NR3C2: variants seen among roughly 807,000 people sequenced by gnomAD.
NR3C2 encodes nuclear receptor subfamily 3 group C member 2.
NR3C2 carries 15 observed loss-of-function variants against 86.4 expected under a neutral mutation model. The ratio of observed to expected loss-of-function variants is 0.17; its 90% CI spans 0.12 to 0.27. The LOEUF is 0.27. Among genes scored for constraint, NR3C2 ranks in the 10% least tolerant of loss-of-function variants. The pLI is 1.00. For missense variants in NR3C2, 960 were observed against 1,195.6 expected, an observed-to-expected ratio of 0.80 and a Z score of 2.91; for synonymous variants, 458 against 450.5, an observed-to-expected ratio of 1.02 and a Z score of -0.21.
At chr4:148,237,668 T>G (rs1356650291) in intron 3 of NR3C2, among the ~76,000 whole-genome samples, 2 of 95,924 alleles carry the variant, frequency 2.1e-5, no homozygotes, top group East Asian at 8.4e-4. Context: ...AAAAACAAAA[T>G]GGGTTTTTTT....
At chr4:148,165,672 AC>A (rs1320476502) in intron 4 of NR3C2, among the ~76,000 whole-genome samples, 1 of 152,176 alleles carries the variant, frequency 6.6e-6, no homozygotes, top group East Asian at 1.9e-4. Context: ...TTATAACTGA[AC>A]CATTAAAAAC....
At chr4:148,323,517 T>C (rs940785316) in intron 2 of NR3C2, among the ~76,000 whole-genome samples, 1 of 148,632 alleles carries the variant, frequency 6.7e-6, no homozygotes, top group African/African-American at 2.5e-5. Flanking sequence ...ACTGCTGTGC[T>C]AGCAATCAGC....
intron 6 of NR3C2, among the ~76,000 whole-genome samples, chr4:148,132,412 A>C (rs961914754): frequency 6.6e-6 from 1 of 152,216 alleles, no homozygotes; most frequent in Non-Finnish European, 1.5e-5. Context: ...GACAAAGAGC[A>C]AACTATAGGA....
chr4:148,346,423 G>A (rs890927848), intron 2 of NR3C2, among the ~76,000 whole-genome samples: 17 of 152,028 alleles, frequency 1.1e-4, no homozygotes, highest in South Asian at 2.1e-4. Flanking sequence ...CAGGCTGGGC[G>A]AAGGAAGAGA....
At chr4:148,316,251 TATA>T (rs1743166789) in intron 2 of NR3C2, among the ~76,000 whole-genome samples, 1 of 152,182 alleles carries the variant, frequency 6.6e-6, no homozygotes, top group South Asian at 2.1e-4. Flanking sequence ...ATACATATAA[TATA>T]GTGGTCATCT....
chr4:148,131,577 A>C (rs2149743259), intron 6 of NR3C2, among the ~76,000 whole-genome samples: 1 of 152,318 alleles, frequency 6.6e-6, no homozygotes. Flanking sequence ...CCATTTTGCT[A>C]GTTGCAGTTC....
intron 4 of NR3C2, among the ~76,000 whole-genome samples, chr4:148,183,784 C>T (rs1735752997): frequency 6.6e-6 from 1 of 152,150 alleles, no homozygotes; most frequent in Admixed American, 6.5e-5. Context: ...ACTTTGTGCC[C>T]TGTACTGTTG....
intron 6 of NR3C2, among the ~76,000 whole-genome samples, chr4:148,127,163 A>G (rs1377899151): frequency 6.6e-6 from 1 of 152,194 alleles, no homozygotes; most frequent in African/African-American, 2.4e-5. Context: ...ATAGCTTGAA[A>G]TTTCAAGAAA....
At chr4:148,335,534 G>A (rs1174494103) in intron 2 of NR3C2, among the ~76,000 whole-genome samples, 1 of 152,100 alleles carries the variant, frequency 6.6e-6, no homozygotes, top group South Asian at 2.1e-4. Context: ...TCCAATGAGA[G>A]CATCATCTCA....
At chr4:148,416,597 T>C (rs977932977) in intron 2 of NR3C2, among the ~76,000 whole-genome samples, 1 of 152,218 alleles carries the variant, frequency 6.6e-6, no homozygotes, top group Admixed American at 6.5e-5. Flanking sequence ...CTTGTGTCTC[T>C]TTCTACTCTC....
chr4:148,370,218 G>A (rs1295618281), intron 2 of NR3C2, among the ~76,000 whole-genome samples: 1 of 152,152 alleles, frequency 6.6e-6, no homozygotes, highest in African/African-American at 2.4e-5. Context: ...TGGGCCCTAG[G>A]AGCCCCATTA....
At chr4:148,304,105 C>A (rs946385881) in intron 2 of NR3C2, among the ~76,000 whole-genome samples, 30 of 151,472 alleles carry the variant, frequency 2.0e-4, no homozygotes, top group African/African-American at 7.0e-4. Context: ...TCAGTCTGTA[C>A]CCCTTTCCAA....
At position 148,215,272 on chromosome 4, in the gene NR3C2, G is replaced by GA. The variant is rs549236695; in HGVS notation, c.1898-20411dup. Among the ~76,000 whole-genome samples the GA allele has an allele frequency of 2.0e-4, 30 of 152,276 alleles. No homozygotes were observed. The South Asian group carries it at 6.0e-3, about 31-fold the overall frequency. On this transcript the variant is annotated intron_variant, in intron 3 of 8. Transcript: ENST00000358102. ...CCTCTGGTGTTTCATAAAGTATCAG[G>GA]AAAAAAACATTAAAATTGACACTCA...
rs576990346 is a variant in NR3C2 at position 148,324,065 on chromosome 4, G to T, written c.1758-63948C>A. Among the ~76,000 whole-genome samples the T allele has an allele frequency of 3.9e-5, 6 of 152,022 alleles. No individual in the cohort carries two copies. In the South Asian group the frequency reaches 1.3e-3, roughly 32 times the overall value. The stretch of plus-strand genomic sequence containing the variant: ...TCCTGGTGCAAATGACAAGCAGCTG[G>T]TGAGACCATCATCTACCACCATCAC... On this transcript the variant is annotated intron_variant, in intron 2 of 8. Coordinates refer to ENST00000358102, the MANE Select transcript of NR3C2 (RefSeq NM_000901.5).
Position 148,329,634 on chromosome 4 carries a change from T to C in NR3C2, c.1758-69517A>G, listed in dbSNP as rs142232423. On this transcript the variant is annotated intron_variant, in intron 2 of 8. Transcript: ENST00000358102. ...ACTGCCATTTGCTAAACATCCACCATGTAGACATTCACATACAACAGCTTC... is the reference window on the plus strand; with the variant it reads ...ACTGCCATTTGCTAAACATCCACCACGTAGACATTCACATACAACAGCTTC... Among the ~76,000 whole-genome samples, 492 of 152,336 alleles carry C rather than the reference T, an allele frequency of 3.2e-3. 3 individuals carry two copies. The highest frequency in any genetic ancestry group is 0.011 in the African/African-American group (469 of 41,578).
At chr4:148,089,693 C>T (rs1730976623) in intron 8 of NR3C2, among the ~76,000 whole-genome samples, 1 of 152,080 alleles carries the variant, frequency 6.6e-6, no homozygotes. Context: ...AGAAACATGC[C>T]ATCCCATTTC....
chr4:148,232,483 T>C (rs1243752910), intron 3 of NR3C2, among the ~76,000 whole-genome samples: 1 of 152,236 alleles, frequency 6.6e-6, no homozygotes, highest in African/African-American at 2.4e-5. Flanking sequence ...CAGTATACCA[T>C]GCTGTGCACA....
intron 2 of NR3C2, among the ~76,000 whole-genome samples, chr4:148,356,899 C>CTGTGTGTGTGTGTGTGTGTG (rs67285458): frequency 6.7e-6 from 1 of 148,968 alleles, no homozygotes; most frequent in African/African-American, 2.5e-5. Flanking sequence ...CTAAGCACGA[C>CTGTGTGTGTGTGTGTGTGTG]TGTGTGTGTG....
chr4:148,287,828 C>T (rs750156927), intron 2 of NR3C2, among the ~76,000 whole-genome samples: 2 of 151,980 alleles, frequency 1.3e-5, no homozygotes, highest in Non-Finnish European at 2.9e-5. Context: ...CAAACTGTCT[C>T]GACTGCATCA....
Sources: gnomAD v4.1 joint callset for allele counts (sites outside exome capture counted in the v4.1 genomes callset) on GRCh38, gnomAD v4.1.1 for gene constraint, MANE v1.5 for transcripts, NCBI Gene and HGNC (gene_info 2026-07-23, HGNC 2026-07-21) for gene names.